Variants in KIF7 observed in about 807,000 individuals in gnomAD.
The protein encoded by KIF7 is kinesin family member 7.
Under a neutral mutation model 135.7 loss-of-function variants are expected in KIF7, and 104 were observed. The observed-to-expected ratio is 0.77, with a 90% confidence interval of 0.65 to 0.90. The LOEUF (loss-of-function observed/expected upper bound fraction) is 0.90. KIF7 is among the 40% of genes least tolerant of loss of function. KIF7 has a pLI of 0.00. For missense variants in KIF7, 2,005 were observed against 1,839.1 expected (o/e 1.09, Z -1.65); for synonymous variants, 883 against 809.4 (o/e 1.09, Z -1.54).
intron 17 of KIF7, 111 bp from the exon 18 acceptor site, chr15:89,629,233 G>A: frequency 1.8e-6 from 2 of 1,102,584 alleles, no homozygotes; most frequent in South Asian, 1.4e-5. Context: ...TGTGAGCGGT[G>A]GGCCGGGCCA....
chr15:89,647,519 T>A (rs1019120738), intron 6 of KIF7, 77 bp downstream of exon 6: 2 of 1,304,326 alleles, frequency 1.5e-6, no homozygotes, highest in African/African-American at 2.9e-5. Context: ...CTCCCTCCCA[T>A]CCTGAGAAAC....
chr15:89,652,905 G>A lies in KIF7; in HGVS notation c.26C>T (p.Pro9Leu), dbSNP rs758144105. 6.5e-7 allele frequency: 1 copy of A among 1,529,840 alleles called. No homozygotes were observed. Among genetic ancestry groups the A allele is most frequent in the South Asian group, 1.2e-5 (1 of 83,152 alleles). 94.8% of individuals were successfully genotyped at this position (1,529,840 alleles called of 1,614,324 possible). A position where few individuals can be genotyped will look rare whatever the true frequency, so the allele number is the denominator to read the frequency against. ...CCGCACTGGGGCCTCCTCAGCCCCT[G>A]GCAGCCTCTGAGCCTCCAGCCCCAT... MGLEAQRL[P>L]GAEEAPVRVA... The change falls in exon 2 of 19, where the codon CCA becomes CTA. Residue 9 changes from proline to leucine, a missense_variant. Physicochemically the swap from Pro to Leu is moderately conservative, Grantham distance 98 (BLOSUM62 -3). Transcript: ENST00000394412.
intron 11 of KIF7, among the ~76,000 whole-genome samples, chr15:89,637,358 A>G (rs1323314707): frequency 6.7e-6 from 1 of 149,984 alleles, no homozygotes; most frequent in Non-Finnish European, 1.5e-5. Context: ...ATAGAGACAC[A>G]AAAAACCCTT....
intron 11 of KIF7, among the ~76,000 whole-genome samples, chr15:89,638,150 C>T (rs1446910623): frequency 2.7e-5 from 4 of 150,166 alleles, no homozygotes; most frequent in Non-Finnish European, 5.9e-5. Context: ...TGGGACGTAT[C>T]TCAAAATCAT....
At chr15:89,627,787 C>T, downstream of KIF7, 1 of 152,552 alleles carries the variant, frequency 6.6e-6, no homozygotes, top group Non-Finnish European at 1.5e-5. Flanking sequence ...ACCAAGAGTG[C>T]CCCACAGGAG....
At chr15:89,657,289 T>G (rs1200789906), upstream of KIF7, among the ~76,000 whole-genome samples, 1 of 121,030 alleles carries the variant, frequency 8.3e-6, no homozygotes, top group African/African-American at 3.3e-5. Flanking sequence ...CCAACCTGTG[T>G]GAGAGAGTGA....
At position 89,633,847 on chromosome 15, in the gene KIF7, C is replaced by A. The variant is rs1391914901; in HGVS notation, c.2431G>T (p.Val811Leu). Residue 811 changes from valine (V) to leucine (L), a missense_variant, in exon 12 of 19, where the codon GTG becomes TTG. Physicochemically the swap from Val to Leu is conservative, Grantham distance 32 (BLOSUM62 1). Transcript: ENST00000394412. The stretch of plus-strand genomic sequence containing the variant: ...TTCTCACTCTGGGCCGACAGTGACA[C>A]CAGCCGCTCCGTAGCCTGCTTCTTC... ...KEKKQATERL[V>L]SLSAQSEKRL... The A allele has an allele frequency of 6.2e-7, 1 of 1,613,766 alleles. No homozygotes were observed. The highest frequency in any genetic ancestry group is 1.7e-5 in the Admixed American group (1 of 60,028).
chr15:89,655,659 T>A (rs1964198990), upstream of KIF7, among the ~76,000 whole-genome samples: 8 of 152,076 alleles, frequency 5.3e-5, no homozygotes, highest in Admixed American at 5.2e-4. Flanking sequence ...ATCGCCTTAT[T>A]TTCTAGAATT....
intron 10 of KIF7, among the ~76,000 whole-genome samples, chr15:89,642,861 G>A (rs886398500): frequency 5.3e-5 from 8 of 152,150 alleles, no homozygotes; most frequent in African/African-American, 1.7e-4. Context: ...GAGCCACCGC[G>A]CCCAGCCTCA....
downstream of KIF7, chr15:89,623,591 T>C (rs1361824180): frequency 6.4e-7 from 1 of 1,569,270 alleles, no homozygotes; most frequent in African/African-American, 1.4e-5. Flanking sequence ...GTTATAATAT[T>C]CAAGGACTGA....
chr15:89,641,506 T>C (rs1182688290), intron 11 of KIF7, among the ~76,000 whole-genome samples: 6 of 152,168 alleles, frequency 3.9e-5, no homozygotes, highest in Admixed American at 2.6e-4. Context: ...AATCCACTGA[T>C]AAAAGGCTAA....
At chr15:89,626,974 T>TTCCC, downstream of KIF7, 1 of 1,614,146 alleles carries the variant, frequency 6.2e-7, no homozygotes, top group Non-Finnish European at 8.5e-7. Flanking sequence ...GTGGATGTTC[T>TTCCC]TCCCTCCACT....
chr15:89,618,460 A>G (rs1355852740), intron 1 of KIF7, among the ~76,000 whole-genome samples: 1 of 152,272 alleles, frequency 6.6e-6, no homozygotes, highest in African/African-American at 2.4e-5. Flanking sequence ...ACTGTGTTAT[A>G]CAAAGTGCTA....
chr15:89,626,879 C>T (rs546858339), downstream of KIF7: 3 of 1,516,902 alleles, frequency 2.0e-6, no homozygotes, highest in African/African-American at 2.8e-5. Flanking sequence ...GTGTGTAACC[C>T]TCTGCAATTT....
intron 1 of KIF7, among the ~76,000 whole-genome samples, chr15:89,620,573 T>C (rs1244795051): frequency 6.6e-6 from 1 of 152,180 alleles, no homozygotes; most frequent in Non-Finnish European, 1.5e-5. Flanking sequence ...ACATAGGAGC[T>C]GGGGTTAATA....
At chr15:89,642,670 A>G (rs1963945100) in intron 10 of KIF7, among the ~76,000 whole-genome samples, 1 of 152,230 alleles carries the variant, frequency 6.6e-6, no homozygotes, top group Admixed American at 6.5e-5. Flanking sequence ...TCCAGATTCA[A>G]GTGATTCTGC....
chr15:89,631,701 CGTT>C lies in KIF7; in HGVS notation c.2902_2904del (p.Asn968del). 6.4e-7 allele frequency: 1 copy of C among 1,552,552 alleles called. No homozygotes were observed. The highest frequency in any genetic ancestry group is 8.7e-7 in the Non-Finnish European group (1 of 1,146,930). ...CGGCTGGACACTCGCACGATGTCCT[CGTT>C]GAGGGCCTGGGGGCAGAATCACCAG... On this transcript the variant is annotated inframe_deletion, in exon 15 of 19. Transcript: ENST00000394412.
At chr15:89,651,123 C>T (rs1318116179) in intron 2 of KIF7, among the ~76,000 whole-genome samples, 2 of 151,886 alleles carry the variant, frequency 1.3e-5, no homozygotes, top group African/African-American at 4.8e-5. Flanking sequence ...GTTTTTGAGA[C>T]GGAGTCTTGC....
chr15:89,650,540 T>C (rs1045956558), intron 2 of KIF7, among the ~76,000 whole-genome samples: 10 of 151,528 alleles, frequency 6.6e-5, no homozygotes, highest in African/African-American at 2.2e-4. Flanking sequence ...ATTATAGGCA[T>C]CTGCCACCAT....
Sources: gnomAD v4.1 joint callset for allele counts (sites outside exome capture counted in the v4.1 genomes callset) on GRCh38, gnomAD v4.1.1 for gene constraint, MANE v1.5 for transcripts, NCBI Gene and HGNC (gene_info 2026-07-23, HGNC 2026-07-21) for gene names.